Variants in PLA2G4C observed in about 807,000 individuals in gnomAD.
The protein encoded by PLA2G4C is cytosolic phospholipase A2 gamma.
Under a neutral mutation model 73.8 loss-of-function variants are expected in PLA2G4C, and 64 were observed. The observed-to-expected ratio is 0.87, with a 90% confidence interval of 0.71 to 1.07. The LOEUF is 1.07. Ranked by LOEUF, PLA2G4C falls within the 50% of genes least tolerant of loss-of-function variation. PLA2G4C has a pLI of 0.00. For synonymous variants in PLA2G4C, 254 were observed against 252.1 expected (o/e 1.01, Z -0.07); for missense variants, 622 against 665.4 (o/e 0.93, Z 0.72).
chr19:48,068,402 G>C (rs114067798), intron 12 of PLA2G4C, among the ~76,000 whole-genome samples: 2,534 of 151,754 alleles, frequency 0.017, 69 homozygotes, highest in African/African-American at 0.058. Context: ...TTTATGAGAA[G>C]AGAAAGAGTG....
chr19:48,061,908 C>A, intron 14 of PLA2G4C, 90 bp downstream of exon 14: 1 of 1,373,972 alleles, frequency 7.3e-7, no homozygotes. Context: ...TTGCCCGCTT[C>A]CCAGCCCGCG....
At position 48,098,145 on chromosome 19, in the gene PLA2G4C, C is replaced by G. The variant is rs1193852648; in HGVS notation, c.562G>C (p.Ala188Pro). The change falls in exon 6 of 17, where the codon GCA becomes CCA. Residue 188 changes from alanine to proline, a missense_variant. Physicochemically the swap from Ala to Pro is conservative, Grantham distance 27. Transcript: ENST00000599921. ...DLQPSWQEAR[A>P]PETWFEFTPH... ...CCTCTAAATGTTTGCTTACCTGGTG[C>G]TCTTGCCTCCTGCCAGGAAGGTTGC... 3 of 1,613,406 alleles carry G rather than the reference C, an allele frequency of 1.9e-6. No individual in the cohort carries two copies. The African/African-American group carries it at 4.0e-5, about 22-fold the overall frequency.
Position 48,074,869 on chromosome 19 carries a change from C to CT in PLA2G4C, c.903dup (p.Gly302ArgfsTer3). 1 of 1,598,436 alleles carries CT rather than the reference C, an allele frequency of 6.3e-7. No homozygotes were observed. Among genetic ancestry groups the CT allele is most frequent in the Non-Finnish European group, 8.5e-7 (1 of 1,171,668 alleles). ...AGCCAGGTGTGTTCAGGCTCACCGCCTTCATCTACGTCAAGAAATCCAGGT... is the reference window on the plus strand; with the variant it reads ...AGCCAGGTGTGTTCAGGCTCACCGCCTTTCATCTACGTCAAGAAATCCAGGT... On this transcript the variant is annotated frameshift_variant, in exon 12 of 17. Transcript: ENST00000599921. LOFTEE classifies it high-confidence loss of function.
intron 11 of PLA2G4C, 30 bp downstream of exon 11, chr19:48,077,741 T>C: frequency 6.4e-7 from 1 of 1,552,860 alleles, no homozygotes; most frequent in Non-Finnish European, 8.8e-7. Flanking sequence ...ACACTATCAT[T>C]AGGGATTCAT....
At position 48,085,083 on chromosome 19, in the gene PLA2G4C, T is replaced by C; in HGVS notation, c.820A>G (p.Lys274Glu). 6.2e-7 allele frequency: 1 copy of C among 1,611,894 alleles called. No homozygotes were observed. The highest frequency in any genetic ancestry group is 1.1e-5 in the South Asian group (1 of 91,050). ...GLWRRAVANA[K>E]SIGHLIFARL... The stretch of plus-strand genomic sequence containing the variant: ...CCAAAAATAAGGTGTCCAATGCTTT[T>C]AGCATTAGCAACAGCCCTTCTCCAT... Residue 274 changes from lysine (K) to glutamate (E), a missense_variant, in exon 10 of 17, where the codon AAA becomes GAA. Transcript: ENST00000599921.
chr19:48,068,006 T>C, intron 12 of PLA2G4C, 120 bp from the exon 13 acceptor site: 1 of 769,632 alleles, frequency 1.3e-6, no homozygotes, highest in South Asian at 1.5e-5. Context: ...GACAGGACTT[T>C]TAAAGAGGTC....
At chr19:48,084,960 T>C (rs2030885731) in intron 10 of PLA2G4C, 99 bp downstream of exon 10, 1 of 841,180 alleles carries the variant, frequency 1.2e-6, no homozygotes, top group Admixed American at 1.8e-5. Flanking sequence ...AGAACCATTA[T>C]ACACAGGCCT....
intron 6 of PLA2G4C, chr19:48,097,092 T>C (rs1183821215): frequency 1.4e-5 from 2 of 146,932 alleles, no homozygotes; most frequent in African/African-American, 5.1e-5. Flanking sequence ...GAGGCGGAGG[T>C]TGTGGTGAGC....
intron 4 of PLA2G4C, 111 bp downstream of exon 4, chr19:48,104,477 A>T: frequency 9.7e-7 from 1 of 1,029,132 alleles, no homozygotes; most frequent in Non-Finnish European, 1.5e-6. Context: ...AGCTAGTACC[A>T]GAGAGCTCGA....
At chr19:48,097,877 C>T (rs1315384936) in intron 6 of PLA2G4C, 6 of 362,092 alleles carry the variant, frequency 1.7e-5, no homozygotes, top group East Asian at 1.3e-4. Flanking sequence ...CCTCAGCCTC[C>T]CAAACCACTG....
chr19:48,079,856 G>C (rs2122571866), intron 10 of PLA2G4C, among the ~76,000 whole-genome samples: 1 of 152,330 alleles, frequency 6.6e-6, no homozygotes, highest in Admixed American at 6.5e-5. Flanking sequence ...AGCTACTCAG[G>C]AGGCTGAGGC....
rs1474501847 is a variant in PLA2G4C, at chr19:48,065,909, C to T, written c.1102+1882G>A. Among the ~76,000 whole-genome samples the T allele has an allele frequency of 2.0e-5, 3 of 152,146 alleles. No individual in the cohort carries two copies. In the East Asian group the frequency reaches 5.8e-4, roughly 29 times the overall value. On this transcript the variant is annotated intron_variant, in intron 13 of 16. Transcript: ENST00000599921. ...AGGAGTTTGAGACCAGCCTGACCAA[C>T]ATGGAGAAACCCTGTCTCTACTAAA...
At chr19:48,060,924 A>T (rs1393971701) in intron 14 of PLA2G4C, among the ~76,000 whole-genome samples, 1 of 152,140 alleles carries the variant, frequency 6.6e-6, no homozygotes, top group East Asian at 1.9e-4. Context: ...TTTTACCATG[A>T]TTATTTTATA....
rs1340148092 is a variant in PLA2G4C at position 48,097,251 on chromosome 19, C to CTTCTTTTTTT, written c.568+887_568+888insAAAAAAAGAA. On this transcript the variant is annotated intron_variant, in intron 6 of 16. Coordinates refer to ENST00000599921, the MANE Select transcript of PLA2G4C (RefSeq NM_003706.3). ...AGTTTTCTTTACTTTTTTCTTTTTTCTTTTTTTTTTTTTTTTTTTGAGACG... is the reference window on the plus strand; with the variant it reads ...AGTTTTCTTTACTTTTTTCTTTTTTCTTCTTTTTTTTTTTTTTTTTTTTTTTTTTGAGACG... 545 of 86,506 alleles carry CTTCTTTTTTT rather than the reference C, an allele frequency of 6.3e-3. 22 individuals carry two copies. The highest frequency in any genetic ancestry group is 0.025 in the African/African-American group (514 of 20,584). The allele number at this position is 86,506 out of a possible 1,614,324, so 5.4% of individuals were successfully genotyped here.
At chr19:48,107,047 G>A (rs2032271539) in intron 1 of PLA2G4C, among the ~76,000 whole-genome samples, 1 of 152,104 alleles carries the variant, frequency 6.6e-6, no homozygotes, top group Admixed American at 6.6e-5. Flanking sequence ...GTTTCTCCAT[G>A]TTGGCCAGGC....
At chr19:48,096,302 G>A (rs1240356924) in intron 6 of PLA2G4C, among the ~76,000 whole-genome samples, 1 of 152,188 alleles carries the variant, frequency 6.6e-6, no homozygotes, top group Admixed American at 6.5e-5. Flanking sequence ...AACATTCATG[G>A]CCGGGCGTGG....
intron 12 of PLA2G4C, among the ~76,000 whole-genome samples, chr19:48,071,396 T>A (rs1254475496): frequency 6.6e-6 from 1 of 152,168 alleles, no homozygotes; most frequent in Non-Finnish European, 1.5e-5. Flanking sequence ...GTTCAAGCGA[T>A]TCTCCTGCCT....
intron 9 of PLA2G4C, among the ~76,000 whole-genome samples, chr19:48,087,364 G>A (rs1427447084): frequency 6.6e-6 from 1 of 152,172 alleles, no homozygotes; most frequent in East Asian, 1.9e-4. Flanking sequence ...TTTCTCCCAT[G>A]GGAGCTCAGC....
At chr19:48,091,229 A>AGGC (rs2031278389) in intron 7 of PLA2G4C, among the ~76,000 whole-genome samples, 1 of 152,146 alleles carries the variant, frequency 6.6e-6, no homozygotes, top group Non-Finnish European at 1.5e-5. Context: ...TCTGTTGCCC[A>AGGC]GGCTGGAGTG....
Sources: allele counts gnomAD v4.1 joint callset (sites outside exome capture counted in the v4.1 genomes callset), GRCh38; gene constraint gnomAD v4.1.1; transcripts MANE v1.5; gene names NCBI Gene and HGNC (gene_info 2026-07-23, HGNC 2026-07-21).